GNE: variants seen among roughly 807,000 people sequenced by gnomAD.
The protein encoded by GNE is bifunctional UDP-N-acetylglucosamine 2-epimerase/N-acetylmannosamine kinase.
A neutral mutation model predicts 61.8 loss-of-function variants in GNE; 41 were observed. That is an observed-to-expected ratio of 0.66 (90% CI 0.52 to 0.86). The LOEUF is 0.86. Ranked by LOEUF, GNE falls within the 40% of genes least tolerant of loss-of-function variation. GNE has a pLI of 0.00. For synonymous variants in GNE, 264 were observed against 326.4 expected, an observed-to-expected ratio of 0.81 and a Z score of 2.06; for missense variants, 608 against 909.1, an observed-to-expected ratio of 0.67 and a Z score of 4.26.
At chr9:36,251,377 C>T in intron 1 of GNE, among the ~76,000 whole-genome samples, 1 of 152,144 alleles carries the variant, frequency 6.6e-6, no homozygotes, top group Non-Finnish European at 1.5e-5. Flanking sequence ...AAATCAGGGG[C>T]AAGGAATAAG....
intron 5 of GNE, among the ~76,000 whole-genome samples, chr9:36,231,066 T>TAAAAAAAAAAAAAAA (rs529903965): frequency 2.9e-5 from 2 of 68,366 alleles, no homozygotes; most frequent in African/African-American, 4.6e-5. Flanking sequence ...ACTGCTTCAC[T>TAAAAAAAAAAAAAAA]AAAAAAAAAA....
chr9:36,230,050 G>A (rs370958710), intron 5 of GNE, among the ~76,000 whole-genome samples: 2 of 151,912 alleles, frequency 1.3e-5, no homozygotes, highest in Admixed American at 6.6e-5. Flanking sequence ...AGGTTCAAAC[G>A]ATTCTCCTGC....
chr9:36,258,195 G>T, intron 1 of GNE, 126 bp downstream of exon 1: 1 of 387,062 alleles, frequency 2.6e-6, no homozygotes, highest in Non-Finnish European at 3.5e-6. Context: ...TCCAGTGTGG[G>T]CCTCGGGGCG....
At chr9:36,260,868 CAAAAAAAAAAAAAAAA>C (rs745821430), upstream of GNE, among the ~76,000 whole-genome samples, 38 of 96,038 alleles carry the variant, frequency 4.0e-4, no homozygotes, top group South Asian at 1.2e-3. Flanking sequence ...GACTCTATCT[CAAAAAAAAAAAAAAAA>C]AAAAAAAAAA....
chr9:36,274,049 G>T (rs1831148696), intron 1 of GNE, among the ~76,000 whole-genome samples: 1 of 150,376 alleles, frequency 6.6e-6, no homozygotes, highest in Admixed American at 6.6e-5. Context: ...CGGAAACCCA[G>T]GTGCTTCGGT....
intron 4 of GNE, 72 bp from the exon 5 acceptor site, chr9:36,234,204 G>GC (rs1332570182): frequency 8.5e-7 from 1 of 1,177,716 alleles, no homozygotes; most frequent in Non-Finnish European, 1.3e-6. Context: ...GGCAAGTATA[G>GC]CCCACGTAAA....
rs977251819 is a variant in GNE, at chr9:36,275,019, C to T, written c.51+1875G>A. Among the ~76,000 whole-genome samples the T allele has an allele frequency of 7.2e-5, 11 of 152,176 alleles. No homozygotes were observed. In the East Asian group the frequency reaches 1.2e-3, roughly 16 times the overall value. On this transcript the variant is annotated intron_variant, in intron 1 of 11. Transcript: ENST00000396594. ...GATTACAGGCGCGAGCCACCGCACC[C>T]GGCCGGTTTCACAATCATTTAAAAT...
intron 5 of GNE, among the ~76,000 whole-genome samples, chr9:36,231,079 A>AG (rs1563936130): frequency 5.0e-4 from 71 of 142,472 alleles, no homozygotes; most frequent in African/African-American, 1.8e-3. Flanking sequence ...AAAAAAAAAA[A>AG]AAAAAGAAAG....
chr9:36,225,921 A>G lies in GNE; in HGVS notation c.1281+1327T>C, dbSNP rs544578478. 1.3e-4 allele frequency among the ~76,000 whole-genome samples: 20 copies of G among 152,318 alleles called. 1 individual carries two copies. The highest frequency in any genetic ancestry group is 4.8e-4 in the African/African-American group (20 of 41,576). The stretch of plus-strand genomic sequence containing the variant: ...CCAGAGACTCTAATTTAACCAGTCC[A>G]GGGTGGGAGCCAAGCATTTTTTTGT... On this transcript the variant is annotated intron_variant, in intron 7 of 11. Coordinates refer to ENST00000642385, the MANE Select transcript of GNE (RefSeq NM_005476.7).
intron 3 of GNE, among the ~76,000 whole-genome samples, chr9:36,239,145 A>T (rs2133086485): frequency 6.6e-6 from 1 of 152,232 alleles, no homozygotes; most frequent in East Asian, 1.9e-4. Flanking sequence ...CTTATAGTAT[A>T]GTTTGAAATC....
At chr9:36,255,360 A>G (rs992725311) in intron 1 of GNE, among the ~76,000 whole-genome samples, 1 of 152,082 alleles carries the variant, frequency 6.6e-6, no homozygotes, top group Non-Finnish European at 1.5e-5. Flanking sequence ...GGCGCACGCC[A>G]CCATGCCTGG....
chr9:36,250,720 G>A (rs767862357), intron 1 of GNE, among the ~76,000 whole-genome samples: 2 of 152,046 alleles, frequency 1.3e-5, no homozygotes, highest in Non-Finnish European at 2.9e-5. Flanking sequence ...TCACTCTGTC[G>A]CCCAGGTTGG....
chr9:36,264,938 C>T (rs980279275), intron 1 of GNE: 49 of 166,888 alleles, frequency 2.9e-4, no homozygotes, highest in Non-Finnish European at 3.8e-4. Context: ...TCTATTAAAT[C>T]TTGTAACTGC....
At chr9:36,225,714 A>G (rs1828830758) in intron 7 of GNE, among the ~76,000 whole-genome samples, 1 of 152,214 alleles carries the variant, frequency 6.6e-6, no homozygotes, top group African/African-American at 2.4e-5. Context: ...AGGCTGAGGC[A>G]GAGGACCATT....
chr9:36,241,445 G>A (rs1411537878), intron 3 of GNE, among the ~76,000 whole-genome samples: 2 of 152,132 alleles, frequency 1.3e-5, no homozygotes, highest in Admixed American at 1.3e-4. Context: ...GGATGGCAAA[G>A]TAGCAAAAAC....
rs577290727 is a variant in GNE at position 36,274,400 on chromosome 9, C to T, written c.51+2494G>A. On this transcript the variant is annotated intron_variant, in intron 1 of 11. Transcript: ENST00000396594. ...TGTGAGCCATTGTGTCAGGCTCTTA[C>T]ACCTTTGTTAAATATTTAGCGGTGC... Among the ~76,000 whole-genome samples, 4 of 152,184 alleles carry T rather than the reference C, an allele frequency of 2.6e-5. 1 individual carries two copies. The highest frequency in any genetic ancestry group is 9.6e-5 in the African/African-American group (4 of 41,524).
intron 2 of GNE, among the ~76,000 whole-genome samples, 178 bp from the exon 3 acceptor site, chr9:36,246,660 CTTTT>C (rs66781293): frequency 3.4e-5 from 4 of 119,066 alleles, no homozygotes; most frequent in Admixed American, 8.8e-5. Flanking sequence ...GATTAAGATT[CTTTT>C]TTTTTTTTTT....
upstream of GNE, among the ~76,000 whole-genome samples, chr9:36,260,469 A>C (rs1830570446): frequency 6.6e-6 from 1 of 152,120 alleles, no homozygotes; most frequent in African/African-American, 2.4e-5. Context: ...GAAGCTATTA[A>C]ATGTGCAGTG....
In GNE at chr9:36,249,966, A is replaced by G. The variant is rs1830054234; in HGVS notation, c.-42-569T>C. ...CTCACACTCAAGAAAACACACTGGAATGCCATTAAGAAGGAGTGATATAAA... is the reference window on the plus strand; with the variant it reads ...CTCACACTCAAGAAAACACACTGGAGTGCCATTAAGAAGGAGTGATATAAA... On this transcript the variant is annotated intron_variant, in intron 1 of 11. Coordinates refer to ENST00000642385, the MANE Select transcript of GNE (RefSeq NM_005476.7). 2.6e-5 allele frequency among the ~76,000 whole-genome samples: 4 copies of G among 152,262 alleles called. 1 individual carries two copies. The South Asian group carries it at 6.2e-4, about 24-fold the overall frequency.
Sources: gnomAD v4.1 joint callset for allele counts (sites outside exome capture counted in the v4.1 genomes callset) on GRCh38, gnomAD v4.1.1 for gene constraint, MANE v1.5 for transcripts, NCBI Gene and HGNC (gene_info 2026-07-23, HGNC 2026-07-21) for gene names.